Variants in NBEA observed in about 807,000 individuals in gnomAD.
NBEA encodes the protein neurobeachin, also known as lysosomal-trafficking regulator 2.
A neutral mutation model predicts 343.4 loss-of-function variants in NBEA; 44 were observed. The ratio of observed to expected loss-of-function variants is 0.13; its 90% CI spans 0.10 to 0.16. The LOEUF (loss-of-function observed/expected upper bound fraction) is 0.16. NBEA is among the 10% of genes least tolerant of loss of function. The pLI is 1.00. For missense variants in NBEA, 2,555 were observed against 3,631.3 expected (o/e 0.70, Z 7.62); for synonymous variants, 1,175 against 1,238.7 (o/e 0.95, Z 1.08).
At chr13:35,359,986 T>G (rs1273695228) in intron 38 of NBEA, among the ~76,000 whole-genome samples, 2 of 152,026 alleles carry the variant, frequency 1.3e-5, no homozygotes, top group East Asian at 3.9e-4. Flanking sequence ...AATGTCTTAT[T>G]TTCATCCTAA....
chr13:34,963,828 C>T (rs1458977799), intron 1 of NBEA, among the ~76,000 whole-genome samples: 1 of 151,526 alleles, frequency 6.6e-6, no homozygotes, highest in Non-Finnish European at 1.5e-5. Context: ...AAAGAAAACA[C>T]CTTTAAAAAA....
chr13:35,550,238 G>A (rs555253932), intron 41 of NBEA, among the ~76,000 whole-genome samples: 1 of 152,158 alleles, frequency 6.6e-6, no homozygotes, highest in African/African-American at 2.4e-5. Flanking sequence ...ATATATTTTC[G>A]GTTTTAAGTC....
At chr13:35,219,053 T>G (rs1314329477) in intron 33 of NBEA, among the ~76,000 whole-genome samples, 3 of 152,136 alleles carry the variant, frequency 2.0e-5, no homozygotes, top group Non-Finnish European at 4.4e-5. Context: ...GGTGTCAGCT[T>G]TGTTAGGTTT....
chr13:35,324,856 A>G (rs1309271181), intron 36 of NBEA, among the ~76,000 whole-genome samples: 1 of 152,152 alleles, frequency 6.6e-6, no homozygotes, highest in Non-Finnish European at 1.5e-5. Context: ...CAATATAAGC[A>G]CAATGTGTGG....
intron 49 of NBEA, among the ~76,000 whole-genome samples, chr13:35,643,048 C>A (rs1253310596): frequency 1.3e-5 from 2 of 150,550 alleles, no homozygotes; most frequent in East Asian, 3.9e-4. Flanking sequence ...AATGACATTT[C>A]TGGATAATAT....
intron 18 of NBEA, among the ~76,000 whole-genome samples, chr13:35,144,534 A>G (rs772417605): frequency 1.3e-5 from 2 of 152,058 alleles, no homozygotes; most frequent in Admixed American, 6.6e-5. Context: ...CTATTTCAAC[A>G]GTTTCCTTTT....
chr13:35,103,915 T>C (rs2065783027), intron 11 of NBEA, among the ~76,000 whole-genome samples: 1 of 151,900 alleles, frequency 6.6e-6, no homozygotes, highest in Non-Finnish European at 1.5e-5. Context: ...ATGATCATCC[T>C]TCACCATTGG....
intron 38 of NBEA, among the ~76,000 whole-genome samples, chr13:35,399,636 A>G (rs1262133388): frequency 6.6e-6 from 1 of 152,238 alleles, no homozygotes; most frequent in Admixed American, 6.6e-5. Flanking sequence ...CTTATCATTC[A>G]TGTGTTCACT....
chr13:35,591,152 C>T (rs770951124), intron 46 of NBEA, among the ~76,000 whole-genome samples: 7 of 151,784 alleles, frequency 4.6e-5, no homozygotes, highest in South Asian at 2.1e-4. Flanking sequence ...TTGTCATTCC[C>T]AGTTTACATA....
rs530885187 is a variant in NBEA at position 35,002,047 on chromosome 13, G to T, written c.295-38886G>T. On this transcript the variant is annotated intron_variant, in intron 1 of 58. Transcript: ENST00000379939. The stretch of plus-strand genomic sequence containing the variant: ...GGGGAATAGCCAGTGACCAGGAATG[G>T]TTAAAGGAAAGATAAACTATGGTGT... 2.0e-5 allele frequency among the ~76,000 whole-genome samples: 3 copies of T among 152,240 alleles called. No homozygotes were observed. In the South Asian group the frequency reaches 6.2e-4, roughly 32 times the overall value.
chr13:35,387,909 A>G (rs2042319515), intron 38 of NBEA, among the ~76,000 whole-genome samples: 3 of 152,092 alleles, frequency 2.0e-5, no homozygotes, highest in Admixed American at 6.6e-5. Flanking sequence ...CTGCAAGGAG[A>G]TATAGTAATC....
At chr13:35,218,006 C>A (rs2074157673) in intron 33 of NBEA, among the ~76,000 whole-genome samples, 1 of 152,000 alleles carries the variant, frequency 6.6e-6, no homozygotes, top group Admixed American at 6.6e-5. Flanking sequence ...TTCACCTTGG[C>A]CGTTTTGAAC....
chr13:35,577,571 A>G (rs2080803711), intron 45 of NBEA, among the ~76,000 whole-genome samples: 3 of 152,092 alleles, frequency 2.0e-5, no homozygotes, highest in Non-Finnish European at 4.4e-5. Flanking sequence ...CTTATGTGCT[A>G]TGAATATTTT....
intron 1 of NBEA, among the ~76,000 whole-genome samples, chr13:35,033,612 C>T (rs2062324857): frequency 1.3e-5 from 2 of 151,850 alleles, no homozygotes; most frequent in Non-Finnish European, 2.9e-5. Context: ...GATATTTTAA[C>T]AATACTGATT....
chr13:35,138,228 T>C (rs1459047388), intron 17 of NBEA, among the ~76,000 whole-genome samples: 3 of 152,152 alleles, frequency 2.0e-5, no homozygotes, highest in Admixed American at 1.3e-4. Flanking sequence ...AATGCATTTA[T>C]ACCTTAATAG....
chr13:35,024,493 G>GA (rs1165307130), intron 1 of NBEA, among the ~76,000 whole-genome samples: 1 of 151,584 alleles, frequency 6.6e-6, no homozygotes, highest in African/African-American at 2.4e-5. Context: ...CCAACCTGGC[G>GA]AAACTTTGTC....
Position 35,601,153 on chromosome 13 carries a change from G to T in NBEA, c.7297-5273G>T, listed in dbSNP as rs1028809894. Among the ~76,000 whole-genome samples the T allele has an allele frequency of 2.7e-5, 4 of 150,314 alleles. No individual in the cohort carries two copies. The Admixed American group carries it at 2.7e-4, about 10-fold the overall frequency. On this transcript the variant is annotated intron_variant, in intron 47 of 58. Transcript: ENST00000379939. ...GATGGCACCATTGCACTCCAGCCTGGGTGACAGAGCAAAACTGCATCTCAA... is the reference window on the plus strand; with the variant it reads ...GATGGCACCATTGCACTCCAGCCTGTGTGACAGAGCAAAACTGCATCTCAA...
At chr13:35,437,894 A>G (rs1015157183) in intron 39 of NBEA, among the ~76,000 whole-genome samples, 1 of 152,184 alleles carries the variant, frequency 6.6e-6, no homozygotes, top group Non-Finnish European at 1.5e-5. Flanking sequence ...TAGCATGTCA[A>G]TATTGTAGTT....
intron 30 of NBEA, among the ~76,000 whole-genome samples, chr13:35,187,188 C>A (rs1053935966): frequency 6.6e-6 from 1 of 151,510 alleles, no homozygotes; most frequent in Admixed American, 6.6e-5. Context: ...TTTGAGAAAC[C>A]CTTTTCTGGA....
Sources: allele counts gnomAD v4.1 joint callset (sites outside exome capture counted in the v4.1 genomes callset), GRCh38; gene constraint gnomAD v4.1.1; transcripts MANE v1.5; gene names NCBI Gene and HGNC (gene_info 2026-07-23, HGNC 2026-07-21).